The following STAC variants were observed in gnomAD, a reference collection of about 807,000 sequenced individuals.
STAC encodes the protein SH3 and cysteine-rich domain-containing protein.
Under a neutral mutation model 48.8 loss-of-function variants are expected in STAC, and 43 were observed. The observed-to-expected ratio is 0.88, with a 90% CI of 0.69 to 1.14. STAC has a LOEUF of 1.14. Ranked by LOEUF, STAC falls within the 50% of genes most tolerant of loss-of-function variation. The pLI is 0.00. For missense variants in STAC, 497 were observed against 504.0 expected, an observed-to-expected ratio of 0.99 and a Z score of 0.13; for synonymous variants, 193 against 179.5, an observed-to-expected ratio of 1.07 and a Z score of -0.60.
rs1696434575 is a variant in STAC at position 36,443,984 on chromosome 3, T to C, written c.388+344T>C. Among the ~76,000 whole-genome samples, 2 of 152,172 alleles carry C rather than the reference T, an allele frequency of 1.3e-5. No individual in the cohort carries two copies. Among genetic ancestry groups the C allele is most frequent in the Admixed American group, 6.5e-5 (1 of 15,284 alleles). ...CTGTATATGGGCAACAAGTGAGACCTGGAATGCTTGTTGCTTCCCCAAAAA... is the reference window on the plus strand; with the variant it reads ...CTGTATATGGGCAACAAGTGAGACCCGGAATGCTTGTTGCTTCCCCAAAAA... On this transcript the variant is annotated intron_variant, in intron 2 of 10. Coordinates refer to ENST00000273183, the MANE Select transcript of STAC (RefSeq NM_003149.3). The surrounding 1 kb of genome is among the most constrained non-coding windows in gnomAD (Gnocchi z 4.2).
intron 8 of STAC, among the ~76,000 whole-genome samples, chr3:36,527,716 G>A (rs1698968383): frequency 6.6e-6 from 1 of 152,166 alleles, no homozygotes; most frequent in South Asian, 2.1e-4. Context: ...TTTTCCCAGT[G>A]TGAAAAATAA....
chr3:36,440,533 G>A (rs540709959), intron 1 of STAC, among the ~76,000 whole-genome samples: 2 of 152,318 alleles, frequency 1.3e-5, no homozygotes, highest in African/African-American at 4.8e-5. Flanking sequence ...GGTTTCTAGA[G>A]GGAGGACAGA....
chr3:36,529,382 T>C (rs1316557799), intron 10 of STAC: 1 of 155,392 alleles, frequency 6.4e-6, no homozygotes, highest in African/African-American at 2.4e-5. Context: ...TAGGAACCTC[T>C]TGGGTTTTCT....
intron 10 of STAC, among the ~76,000 whole-genome samples, chr3:36,534,581 A>ATT (rs113192200): frequency 6.0e-5 from 9 of 149,858 alleles, no homozygotes; most frequent in African/African-American, 2.2e-4. Context: ...TAATTATTGT[A>ATT]TTTTTTTTTT....
chr3:36,444,900 G>A (rs147426634), intron 2 of STAC, among the ~76,000 whole-genome samples: 3 of 152,264 alleles, frequency 2.0e-5, no homozygotes, highest in African/African-American at 4.8e-5. Flanking sequence ...GGCCGGGGGC[G>A]ATGGAGGGTC....
chr3:36,497,690 A>G (rs1698183089), intron 6 of STAC, among the ~76,000 whole-genome samples: 1 of 152,088 alleles, frequency 6.6e-6, no homozygotes, highest in Non-Finnish European at 1.5e-5. Context: ...GTGGAAAAGA[A>G]TGGAAACAAA....
intron 1 of STAC, among the ~76,000 whole-genome samples, chr3:36,412,107 A>G (rs767170323): frequency 8.5e-4 from 130 of 152,296 alleles, no homozygotes; most frequent in Non-Finnish European, 8.5e-4. Context: ...AGAAGTCTGG[A>G]GGTGGGAAGT....
intron 10 of STAC, among the ~76,000 whole-genome samples, chr3:36,540,691 G>A (rs1699303883): frequency 2.0e-5 from 3 of 152,090 alleles, no homozygotes; most frequent in African/African-American, 7.2e-5. Context: ...GCTGAACGCA[G>A]CAACATCCTA....
At chr3:36,539,996 G>A (rs1257568897) in intron 10 of STAC, among the ~76,000 whole-genome samples, 1 of 152,158 alleles carries the variant, frequency 6.6e-6, no homozygotes, top group Non-Finnish European at 1.5e-5. Flanking sequence ...TGGATTATCA[G>A]GGTGAGCCCA....
intron 6 of STAC, among the ~76,000 whole-genome samples, chr3:36,499,002 A>G (rs1176881895): frequency 6.6e-6 from 1 of 152,256 alleles, no homozygotes; most frequent in Admixed American, 6.5e-5. Flanking sequence ...AAGTGAAATA[A>G]CAGTAGAATG....
chr3:36,484,475 G>A (rs1398778538), intron 3 of STAC, among the ~76,000 whole-genome samples: 1 of 152,222 alleles, frequency 6.6e-6, no homozygotes, highest in African/African-American at 2.4e-5. Flanking sequence ...TGAAGGAGAG[G>A]TCAGAAAAAC....
At chr3:36,494,167 A>G (rs1010111021) in intron 6 of STAC, among the ~76,000 whole-genome samples, 1 of 150,808 alleles carries the variant, frequency 6.6e-6, no homozygotes, top group Non-Finnish European at 1.5e-5. Flanking sequence ...AAAAAAAAAA[A>G]AAAAAAAGAA....
At chr3:36,528,472 A>C (rs1041498186) in intron 8 of STAC, among the ~76,000 whole-genome samples, 1 of 152,180 alleles carries the variant, frequency 6.6e-6, no homozygotes, top group Non-Finnish European at 1.5e-5. Flanking sequence ...TGTTTAAAAA[A>C]AAAAAAAAAA....
intron 2 of STAC, among the ~76,000 whole-genome samples, chr3:36,445,350 G>GAA (rs76365780): frequency 7.9e-5 from 12 of 151,500 alleles, no homozygotes; most frequent in Admixed American, 2.0e-4. Context: ...TATAAAGAAA[G>GAA]AAAAAAAAGA....
intron 1 of STAC, among the ~76,000 whole-genome samples, chr3:36,432,634 C>T (rs1234323134): frequency 6.6e-6 from 1 of 150,986 alleles, no homozygotes; most frequent in Admixed American, 6.6e-5. Flanking sequence ...GCCCAGGAGG[C>T]GGAGGTTGCA....
intron 10 of STAC, among the ~76,000 whole-genome samples, chr3:36,536,277 C>T (rs982764370): frequency 6.6e-6 from 1 of 152,056 alleles, no homozygotes; most frequent in African/African-American, 2.4e-5. Flanking sequence ...AAAAAAGAGC[C>T]TGTATAGACA....
chr3:36,487,965 C>T (rs377210178), intron 5 of STAC, among the ~76,000 whole-genome samples: 76 of 152,188 alleles, frequency 5.0e-4, no homozygotes, highest in African/African-American at 1.6e-3. Context: ...ACAAAGCATA[C>T]ATGGGTAGGA....
intron 8 of STAC, among the ~76,000 whole-genome samples, chr3:36,521,343 C>A (rs1378660835): frequency 3.9e-5 from 6 of 152,052 alleles, no homozygotes; most frequent in African/African-American, 1.2e-4. Context: ...TCAAACCTTG[C>A]CTGTAAATGG....
intron 1 of STAC, among the ~76,000 whole-genome samples, chr3:36,394,316 T>C (rs1699811676): frequency 6.6e-6 from 1 of 152,224 alleles, no homozygotes; most frequent in Admixed American, 6.5e-5. Context: ...TTAGAGAACA[T>C]TTTCATGATT....
Sources: allele counts gnomAD v4.1 joint callset (sites outside exome capture counted in the v4.1 genomes callset), GRCh38; gene constraint gnomAD v4.1.1; non-coding constraint Gnocchi (gnomAD v3.1); transcripts MANE v1.5; gene names NCBI Gene and HGNC (gene_info 2026-07-23, HGNC 2026-07-21).